Variants in B4GALNT3 observed in about 807,000 individuals in gnomAD.
B4GALNT3 encodes the protein beta-1,4-N-acetylgalactosaminyltransferase 3.
In B4GALNT3, 86 loss-of-function variants were observed where a neutral mutation model predicts 120.2. That is an observed-to-expected ratio of 0.72 (90% confidence interval 0.60 to 0.86). The LOEUF (loss-of-function observed/expected upper bound fraction) is 0.86, where lower values mean the gene tolerates loss of function less well. Ranked by LOEUF, B4GALNT3 falls within the 40% of genes least tolerant of loss-of-function variation. The pLI is 0.00. For missense variants in B4GALNT3, 1,167 were observed against 1,298.9 expected (o/e 0.90, Z 1.56); for synonymous variants, 518 against 510.4 (o/e 1.01, Z -0.20).
chr12:553,721 G>A lies in B4GALNT3; in HGVS notation c.1798G>A (p.Glu600Lys). 1 of 1,614,156 alleles carries A rather than the reference G, an allele frequency of 6.2e-7. No individual in the cohort carries two copies. Among genetic ancestry groups the A allele is most frequent in the Non-Finnish European group, 8.5e-7 (1 of 1,179,986 alleles). ...GGAAGTGGTGGCGGCCGCAGGCCAG[G>A]AAGGACAAGTGGAGGGAGAGGAAGA... is the stretch of plus-strand genomic sequence containing the variant. ...EEEVVAAAGQ[E>K]GQVEGEEEGE... is the part of the protein sequence containing the mutation. The change falls in exon 14 of 20, where the codon GAA becomes AAA. Residue 600 changes from glutamate to lysine, a missense_variant. Glu to Lys is a moderately conservative substitution (Grantham distance 56). This residue lies in a region of B4GALNT3 where 983 missense variants were observed against 1,102.5 expected (regional missense o/e 0.89). Transcript: ENST00000266383.
chr12:494,767 G>A (rs1196240682), intron 1 of B4GALNT3, among the ~76,000 whole-genome samples: 2 of 151,992 alleles, frequency 1.3e-5, no homozygotes, highest in Admixed American at 6.5e-5. Flanking sequence ...AGGCTCCTGA[G>A]GCAGTGATGG....
intron 1 of B4GALNT3, among the ~76,000 whole-genome samples, chr12:533,620 C>A (rs1946829128): frequency 6.6e-6 from 1 of 152,194 alleles, no homozygotes; most frequent in Admixed American, 6.5e-5. Context: ...GCTCTCTGTT[C>A]TGATCCTGCC....
In B4GALNT3 at chr12:553,600, T is replaced by G. The variant is rs1168245922; in HGVS notation, c.1677T>G (p.Thr559=). Residue 559 remains threonine (T), a synonymous_variant, in exon 14 of 20, where the codon ACT becomes ACG. Coordinates refer to ENST00000266383, the MANE Select transcript of B4GALNT3 (RefSeq NM_173593.4). ...PRPAGDSPRK[T]QWLNQVESYI... ...CCGCTGGTGACAGCCCCAGGAAGAC[T>G]CAGTGGCTGAACCAGGTGGAGTCGT... is the stretch of plus-strand genomic sequence containing the variant. 1 of 1,613,854 alleles carries G rather than the reference T, an allele frequency of 6.2e-7. No homozygotes were observed. The highest frequency in any genetic ancestry group is 8.5e-7 in the Non-Finnish European group (1 of 1,179,906).
intron 1 of B4GALNT3, among the ~76,000 whole-genome samples, chr12:483,690 C>T (rs1027220466): frequency 4.6e-5 from 7 of 152,164 alleles, no homozygotes; most frequent in African/African-American, 1.4e-4. Flanking sequence ...ATAGTGAGAC[C>T]CTGTCCCCCA....
chr12:474,175 A>G (rs1946161921), intron 1 of B4GALNT3, among the ~76,000 whole-genome samples: 1 of 152,180 alleles, frequency 6.6e-6, no homozygotes, highest in Admixed American at 6.5e-5. Flanking sequence ...TCAGACTTGG[A>G]GTTTTCTACC....
At chr12:471,253 C>T (rs1020700271) in intron 1 of B4GALNT3, among the ~76,000 whole-genome samples, 8 of 151,194 alleles carry the variant, frequency 5.3e-5, no homozygotes, top group African/African-American at 1.9e-4. Flanking sequence ...GACGTGGTGG[C>T]ACATGCCTGT....
At chr12:514,012 G>A (rs78025511) in intron 1 of B4GALNT3, among the ~76,000 whole-genome samples, 4,314 of 152,214 alleles carry the variant, frequency 0.028, 217 homozygotes, top group African/African-American at 0.097. Flanking sequence ...ATAATGCTGC[G>A]CTGAGGCTTT....
At chr12:506,794 G>T (rs370237885) in intron 1 of B4GALNT3, among the ~76,000 whole-genome samples, 4 of 152,000 alleles carry the variant, frequency 2.6e-5, no homozygotes, top group Admixed American at 2.6e-4. Context: ...ATACCACCAC[G>T]CCCGGCTAAT....
chr12:552,611 A>G, intron 13 of B4GALNT3, 83 bp downstream of exon 13: 1 of 1,369,406 alleles, frequency 7.3e-7, no homozygotes, highest in South Asian at 1.3e-5. Flanking sequence ...AGACCGTGCC[A>G]GCCCCGCCCC....
chr12:514,646 G>T (rs544803846), intron 1 of B4GALNT3, among the ~76,000 whole-genome samples: 5 of 152,160 alleles, frequency 3.3e-5, no homozygotes, highest in African/African-American at 1.2e-4. Context: ...TCTGATCACT[G>T]GTTGTGGTGA....
chr12:502,596 G>T (rs975246778), intron 1 of B4GALNT3, among the ~76,000 whole-genome samples: 2 of 152,154 alleles, frequency 1.3e-5, no homozygotes, highest in African/African-American at 2.4e-5. Flanking sequence ...GACTGAGGAA[G>T]AGGGAGGCCA....
rs547253968 is a variant in B4GALNT3, at chr12:552,488, C to G, written c.1230C>G (p.Ile410Met). 6.2e-7 allele frequency: 1 copy of G among 1,613,938 alleles called. No homozygotes were observed. Among genetic ancestry groups the G allele is most frequent in the East Asian group, 2.2e-5 (1 of 44,874 alleles). The change falls in exon 13 of 20, where the codon ATC becomes ATG. Residue 410 changes from isoleucine to methionine, a missense_variant. Physicochemically the swap from Ile to Met is conservative, Grantham distance 10. Coordinates refer to ENST00000266383, the MANE Select transcript of B4GALNT3 (RefSeq NM_173593.4). ...YQDRFSFQEY[I>M]KIDQPEKQGL... is the part of the protein sequence containing the mutation. ...GCAGGTTCAGCTTTCAGGAGTACAT[C>G]AAGATTGACCAGCCTGAGAAGCAGG...
chr12:556,590 G>C lies in B4GALNT3; in HGVS notation c.2104G>C (p.Asp702His). Reference sequence around the variant, plus strand: ...CATTGTGAACGTGGAAAAGCGTCAGGACCAGCTACGTGGGGGTCGCTACCT... The same window carrying C: ...CATTGTGAACGTGGAAAAGCGTCAGCACCAGCTACGTGGGGGTCGCTACCT... ...QRIVNVEKRQ[D>H]QLRGGRYLLE... The change falls in exon 15 of 20, where the codon GAC becomes CAC. Residue 702 changes from aspartate to histidine, a missense_variant. Physicochemically the swap from Asp to His is moderately conservative, Grantham distance 81. Around this residue, in one of 3 missense-constraint regions of B4GALNT3, gnomAD observed 983 missense variants for 1,102.5 expected, o/e 0.89. Transcript: ENST00000266383. 1 of 1,614,032 alleles carries C rather than the reference G, an allele frequency of 6.2e-7. No individual in the cohort carries two copies. The highest frequency in any genetic ancestry group is 8.5e-7 in the Non-Finnish European group (1 of 1,180,036).
chr12:554,782 T>A (rs1321727343), intron 14 of B4GALNT3, among the ~76,000 whole-genome samples: 1 of 72,494 alleles, frequency 1.4e-5, no homozygotes, highest in Non-Finnish European at 2.2e-5. Context: ...AGAGCAAGAC[T>A]CCGTCTCAAA....
intron 1 of B4GALNT3, among the ~76,000 whole-genome samples, chr12:494,291 A>AGG (rs1480675488): frequency 5.2e-5 from 4 of 76,302 alleles, no homozygotes; most frequent in Non-Finnish European, 1.2e-4. Flanking sequence ...AATACCTTGA[A>AGG]AGAAAAAAAA....
At position 563,227 on chromosome 12, in the gene B4GALNT3, G is replaced by A. The variant is rs1053853900; in HGVS notation, c.*1776G>A. 3 of 152,318 alleles carry A rather than the reference G, an allele frequency of 2.0e-5. No homozygotes were observed. Among genetic ancestry groups the A allele is most frequent in the Non-Finnish European group, 4.4e-5 (3 of 68,126 alleles). 9.4% of individuals were successfully genotyped at this position (152,318 alleles called of 1,614,324 possible). ...CAGTGGGGCTGCCAGTTTCTTTCTG[G>A]GACCACTCTCGTCCTCGGGCATTGC... On this transcript the variant is annotated 3_prime_UTR_variant, in exon 20 of 20. Transcript: ENST00000266383.
At chr12:478,840 G>T (rs1946208829) in intron 1 of B4GALNT3, among the ~76,000 whole-genome samples, 1 of 152,176 alleles carries the variant, frequency 6.6e-6, no homozygotes, top group Admixed American at 6.5e-5. Flanking sequence ...TCACAGCTGT[G>T]GTTACCTTCA....
chr12:543,977 G>A (rs56071163), intron 3 of B4GALNT3, among the ~76,000 whole-genome samples: 1 of 133,640 alleles, frequency 7.5e-6, no homozygotes, highest in African/African-American at 2.9e-5. Context: ...TCATCCTCCT[G>A]GAGCTGAGGA....
At chr12:559,251 C>G in intron 18 of B4GALNT3, 44 bp from the exon 19 acceptor site, 1 of 1,612,376 alleles carries the variant, frequency 6.2e-7, no homozygotes. Flanking sequence ...CTTCCTCCTC[C>G]TGGCCTCTGG....
Sources: gnomAD v4.1 joint callset for allele counts (sites outside exome capture counted in the v4.1 genomes callset) on GRCh38, gnomAD v4.1.1 for gene constraint, gnomAD v4.1.1 regional missense constraint, MANE v1.5 for transcripts, NCBI Gene and HGNC (gene_info 2026-07-23, HGNC 2026-07-21) for gene names.